GNAI3: variants seen among roughly 807,000 people sequenced by gnomAD.
The protein encoded by GNAI3 is guanine nucleotide-binding protein G(i) subunit alpha-3.
In GNAI3, 12 loss-of-function variants were observed where a neutral mutation model predicts 41.8. The observed-to-expected ratio is 0.29, with a 90% CI of 0.18 to 0.47. GNAI3 has a LOEUF of 0.47. Ranked by LOEUF, GNAI3 falls within the 20% of genes least tolerant of loss-of-function variation. GNAI3 has a pLI of 1.00. For synonymous variants in GNAI3, 132 were observed against 146.5 expected, an observed-to-expected ratio of 0.90 and a Z score of 0.71; for missense variants, 360 against 429.6, an observed-to-expected ratio of 0.84 and a Z score of 1.43.
At chr1:109,588,907 A>G (rs1234482484) in intron 7 of GNAI3, among the ~76,000 whole-genome samples, 4 of 152,116 alleles carry the variant, frequency 2.6e-5, no homozygotes, top group Non-Finnish European at 5.9e-5. Context: ...CAATCAATCA[A>G]TCAATCAATA....
At chr1:109,556,567 C>T (rs911118094) in intron 1 of GNAI3, among the ~76,000 whole-genome samples, 2 of 151,988 alleles carry the variant, frequency 1.3e-5, no homozygotes, top group Non-Finnish European at 2.9e-5. Context: ...TCTGCTTTTC[C>T]CCCAGTGTAT....
chr1:109,582,544 C>T lies in GNAI3; in HGVS notation c.569C>T (p.Thr190Ile), dbSNP rs536687404. 1 of 1,606,540 alleles carries T rather than the reference C, an allele frequency of 6.2e-7. No individual in the cohort carries two copies. The highest frequency in any genetic ancestry group is 1.3e-5 in the African/African-American group (1 of 74,894). ...ACAGGCATTGTAGAAACACATTTCA[C>T]CTTCAAAGACCTATACTTCAAGTAA... ...KTTGIVETHF[T>I]FKDLYFKMFD... The change falls in exon 5 of 9, where the codon ACC becomes ATC. Residue 190 changes from threonine (T) to isoleucine (I), a missense_variant. Thr to Ile is a moderately conservative substitution (Grantham distance 89). Coordinates refer to ENST00000369851, the MANE Select transcript of GNAI3 (RefSeq NM_006496.4).
At chr1:109,571,443 A>G (rs1338086780) in intron 1 of GNAI3, among the ~76,000 whole-genome samples, 2 of 152,232 alleles carry the variant, frequency 1.3e-5, no homozygotes, top group African/African-American at 2.4e-5. Flanking sequence ...AATTATAGGC[A>G]AGTTACTTGA....
At position 109,593,156 on chromosome 1, in the gene GNAI3, A is replaced by G. The variant is rs1361289838; in HGVS notation, c.*834A>G. On this transcript the variant is annotated 3_prime_UTR_variant, in exon 9 of 9. Transcript: ENST00000369851. ...TCAGAAATGCAAATTGCTAAATTCCAAACAGAACCAGTGACTTTGCTGCTA... is the reference window on the plus strand; with the variant it reads ...TCAGAAATGCAAATTGCTAAATTCCGAACAGAACCAGTGACTTTGCTGCTA... 1 of 152,664 alleles carries G rather than the reference A, an allele frequency of 6.6e-6. No homozygotes were observed. The allele number at this position is 152,664 out of a possible 1,614,324, so 9.5% of individuals were successfully genotyped here.
chr1:109,589,741 T>A (rs1649123895), intron 7 of GNAI3, among the ~76,000 whole-genome samples: 1 of 152,198 alleles, frequency 6.6e-6, no homozygotes. Flanking sequence ...CCAATACTTC[T>A]ATTATATGAT....
Position 109,574,005 on chromosome 1 carries a change from C to T in GNAI3, c.271C>T (p.Leu91=), listed in dbSNP as rs768865385. 6.8e-6 allele frequency: 11 copies of T among 1,612,178 alleles called. No individual in the cohort carries two copies. Among genetic ancestry groups the T allele is most frequent in the Non-Finnish European group, 7.6e-6 (9 of 1,178,784 alleles). ...TGCAATCATAAGAGCCATGGGACGG[C>T]TAAAGATTGACTTTGGGGAAGCTGC... is the stretch of plus-strand genomic sequence containing the variant. ...IIAIIRAMGR[L]KIDFGEAARA... The change falls in exon 3 of 9, where the codon CTA becomes TTA. Residue 91 remains leucine (L), a synonymous_variant. Coordinates refer to ENST00000369851, the MANE Select transcript of GNAI3 (RefSeq NM_006496.4).
At chr1:109,548,880 C>A in intron 1 of GNAI3, 42 bp downstream of exon 1, 1 of 1,338,588 alleles carries the variant, frequency 7.5e-7, no homozygotes, top group Non-Finnish European at 1.1e-6. Flanking sequence ...GTCGGGAGAG[C>A]CTAGGCGCTT....
At chr1:109,576,252 A>G (rs1180077081) in intron 3 of GNAI3, among the ~76,000 whole-genome samples, 1 of 151,924 alleles carries the variant, frequency 6.6e-6, no homozygotes, top group Non-Finnish European at 1.5e-5. Flanking sequence ...TATTTTTAGT[A>G]GAGATGGGGT....
chr1:109,571,831 T>A (rs1212679010), intron 1 of GNAI3, among the ~76,000 whole-genome samples: 1 of 151,878 alleles, frequency 6.6e-6, no homozygotes, highest in Admixed American at 6.6e-5. Context: ...GGCAGGAGAA[T>A]CACTTGAACC....
At position 109,593,834 on chromosome 1, in the gene GNAI3, CAAAT is replaced by C. The variant is rs1180325672; in HGVS notation, c.*1513_*1516del. The C allele has an allele frequency of 5.9e-5, 9 of 152,680 alleles. 1 individual carries two copies. In the East Asian group the frequency reaches 1.7e-3, roughly 29 times the overall value. The allele number at this position is 152,680 out of a possible 1,614,324, so 9.5% of individuals were successfully genotyped here. A position where few individuals can be genotyped will look rare whatever the true frequency, so the allele number is the denominator to read the frequency against. On this transcript the variant is annotated 3_prime_UTR_variant, in exon 9 of 9. Coordinates refer to ENST00000369851, the MANE Select transcript of GNAI3 (RefSeq NM_006496.4). ...TATTGAATGCTCTATTGGGGGAAGA[CAAAT>C]GAAGAGAATGCATTTTGAGCATTTC... is the stretch of plus-strand genomic sequence containing the variant.
chr1:109,555,963 CGTGTGTGTGTGTGTGTGTGTGT>C (rs71069692), intron 1 of GNAI3, among the ~76,000 whole-genome samples: 1 of 144,534 alleles, frequency 6.9e-6, no homozygotes, highest in African/African-American at 2.6e-5. Context: ...TGCGTGCGTG[CGTGTGTGTGTGTGTGTGTGTGT>C]GTGTGTGTGT....
rs1649249787 is a variant in GNAI3, at chr1:109,594,609, C to G, written c.*2287C>G. On this transcript the variant is annotated 3_prime_UTR_variant, in exon 9 of 9. Coordinates refer to ENST00000369851, the MANE Select transcript of GNAI3 (RefSeq NM_006496.4). ...TTAAGTAAAAATCACTTGGACCCATCTAAGGGATTGACTTTTGGCTGGTGG... is the reference window on the plus strand; with the variant it reads ...TTAAGTAAAAATCACTTGGACCCATGTAAGGGATTGACTTTTGGCTGGTGG... 1.3e-5 allele frequency: 2 copies of G among 148,926 alleles called. No individual in the cohort carries two copies. Among genetic ancestry groups the G allele is most frequent in the South Asian group, 4.2e-4 (2 of 4,724 alleles). 9.2% of individuals were successfully genotyped at this position (148,926 alleles called of 1,614,324 possible).
At chr1:109,573,577 G>A (rs1356362079) in intron 1 of GNAI3, among the ~76,000 whole-genome samples, 160 bp from the exon 2 acceptor site, 1 of 152,160 alleles carries the variant, frequency 6.6e-6, no homozygotes, top group Non-Finnish European at 1.5e-5. Flanking sequence ...AAATGCTGTA[G>A]TGGAGAAGCT....
chr1:109,569,709 T>A (rs879616826), intron 1 of GNAI3, among the ~76,000 whole-genome samples: 33 of 152,146 alleles, frequency 2.2e-4, no homozygotes, highest in Admixed American at 9.2e-4. Context: ...AACTGGAAGC[T>A]CAGGAGAAGA....
At position 109,579,229 on chromosome 1, in the gene GNAI3, T is replaced by C; in HGVS notation, c.329T>C (p.Leu110Ser). Residue 110 changes from leucine (L) to serine (S), a missense_variant, in exon 4 of 9, where the codon TTA becomes TCA. Physicochemically the swap from Leu to Ser is moderately radical, Grantham distance 145. Coordinates refer to ENST00000369851, the MANE Select transcript of GNAI3 (RefSeq NM_006496.4). ...RADDARQLFV[L>S]AGSAEEGVMT... Reference sequence around the variant, plus strand: ...GATGATGCCCGGCAATTATTTGTTTTAGCTGGCAGTGCTGAAGAAGGAGTC... The same window carrying C: ...GATGATGCCCGGCAATTATTTGTTTCAGCTGGCAGTGCTGAAGAAGGAGTC... The C allele has an allele frequency of 6.2e-7, 1 of 1,612,648 alleles. No individual in the cohort carries two copies. Among genetic ancestry groups the C allele is most frequent in the Non-Finnish European group, 8.5e-7 (1 of 1,179,252 alleles).
At chr1:109,580,377 G>A (rs537689186) in intron 4 of GNAI3, among the ~76,000 whole-genome samples, 15 of 152,202 alleles carry the variant, frequency 9.9e-5, no homozygotes, top group Non-Finnish European at 1.8e-4. Flanking sequence ...TACTGGATGA[G>A]GGCACGTTTA....
At chr1:109,548,907 G>A (rs1647901562) in intron 1 of GNAI3, 69 bp downstream of exon 1, 2 of 1,038,652 alleles carry the variant, frequency 1.9e-6, no homozygotes, top group Non-Finnish European at 3.0e-6. Flanking sequence ...CCTGAACGGG[G>A]TCTGGTCGGG....
chr1:109,586,210 G>A lies in GNAI3; in HGVS notation c.591-6G>A, dbSNP rs1393019634. 8.1e-6 allele frequency: 13 copies of A among 1,612,592 alleles called. No individual in the cohort carries two copies. The highest frequency in any genetic ancestry group is 1.1e-5 in the Non-Finnish European group (13 of 1,179,170). ...TGCTGAATTTGCTTTCTTTCCCCTT[G>A]CGCAGGATGTTTGATGTAGGTGGCC... On this transcript the variant is annotated splice_polypyrimidine_tract_variant and splice_region_variant and intron_variant, in intron 5 of 8. Coordinates refer to ENST00000369851, the MANE Select transcript of GNAI3 (RefSeq NM_006496.4).
At chr1:109,586,651 T>G (rs1649039488) in intron 6 of GNAI3, 78 bp from the exon 7 acceptor site, 2 of 1,045,136 alleles carry the variant, frequency 1.9e-6, no homozygotes, top group Admixed American at 4.8e-5. Flanking sequence ...CTGCAAAACT[T>G]GTTGGTTTGT....
Sources: allele counts gnomAD v4.1 joint callset (sites outside exome capture counted in the v4.1 genomes callset), GRCh38; gene constraint gnomAD v4.1.1; transcripts MANE v1.5; gene names NCBI Gene and HGNC (gene_info 2026-07-23, HGNC 2026-07-21).